The following LINGO2 variants were observed in gnomAD, a reference collection of about 807,000 sequenced individuals.
The protein encoded by LINGO2 is leucine rich repeat and Ig domain containing 2.
In LINGO2, 14 loss-of-function variants were observed where a neutral mutation model predicts 30.6. That is an observed-to-expected ratio of 0.46 (90% CI 0.30 to 0.72). The LOEUF is 0.72. Ranked by LOEUF, LINGO2 falls within the 30% of genes least tolerant of loss-of-function variation. The pLI is 0.07. For missense variants in LINGO2, 729 were observed against 751.7 expected, an observed-to-expected ratio of 0.97 and a Z score of 0.35; for synonymous variants, 317 against 288.5, an observed-to-expected ratio of 1.10 and a Z score of -1.00.
chr9:28,287,897 A>G (rs555646890), intron 4 of LINGO2, among the ~76,000 whole-genome samples: 24 of 152,260 alleles, frequency 1.6e-4, no homozygotes, highest in African/African-American at 5.1e-4. Context: ...TATAAAGGAA[A>G]AAGTTGCAAA....
chr9:28,491,296 G>C (rs1826386209), intron 1 of LINGO2, among the ~76,000 whole-genome samples: 1 of 152,062 alleles, frequency 6.6e-6, no homozygotes. Flanking sequence ...GCATTCTTTG[G>C]CTTGTGGCCA....
At chr9:28,374,208 ATT>A (rs56836588) in intron 2 of LINGO2, among the ~76,000 whole-genome samples, 29,403 of 117,842 alleles carry the variant, frequency 0.25, 3,189 homozygotes, top group Middle Eastern at 0.44. Flanking sequence ...ATATGTTTTT[ATT>A]TATATATATA....
At chr9:28,271,146 A>G (rs188674149) in intron 4 of LINGO2, among the ~76,000 whole-genome samples, 97 of 149,274 alleles carry the variant, frequency 6.5e-4, no homozygotes, top group African/African-American at 2.1e-3. Context: ...CTGTATTTAT[A>G]AGAAAAAAGT....
At chr9:29,096,649 A>G in the LINGO2 span, among the ~76,000 whole-genome samples, 2 of 140,300 alleles carry the variant, frequency 1.4e-5, no homozygotes, top group African/African-American at 5.3e-5. Context: ...AGATTGTAAG[A>G]CTGTTCCACA....
chr9:28,811,763 C>T, the LINGO2 span, among the ~76,000 whole-genome samples: 5 of 152,042 alleles, frequency 3.3e-5, no homozygotes, highest in African/African-American at 7.2e-5. Context: ...TCCTTCATGA[C>T]CATCTTTAAT....
At chr9:28,396,857 G>A (rs1822069807) in intron 2 of LINGO2, among the ~76,000 whole-genome samples, 1 of 152,012 alleles carries the variant, frequency 6.6e-6, no homozygotes, top group South Asian at 2.1e-4. Flanking sequence ...TTCCTAGAGA[G>A]AACCTAGTAA....
chr9:28,672,609 C>G (rs1212146768), upstream of LINGO2, among the ~76,000 whole-genome samples: 1 of 152,084 alleles, frequency 6.6e-6, no homozygotes, highest in Non-Finnish European at 1.5e-5. Context: ...TTTTAAGTTC[C>G]ATATCTTTAA....
the LINGO2 span, among the ~76,000 whole-genome samples, chr9:28,702,145 C>G: frequency 6.6e-6 from 1 of 151,850 alleles, no homozygotes; most frequent in Non-Finnish European, 1.5e-5. Flanking sequence ...GCTAGGACAT[C>G]AAGTCCCATT....
upstream of LINGO2, among the ~76,000 whole-genome samples, chr9:28,672,886 C>A (rs571224316): frequency 1.3e-5 from 2 of 152,050 alleles, no homozygotes; most frequent in Admixed American, 6.6e-5. Context: ...TGGAAGAAAA[C>A]AATTTTAACT....
chr9:28,233,487 C>T (rs768507700), intron 4 of LINGO2, among the ~76,000 whole-genome samples: 10 of 151,888 alleles, frequency 6.6e-5, no homozygotes, highest in Non-Finnish European at 1.3e-4. Flanking sequence ...TTAATTTGAA[C>T]ACATGCAAAA....
intron 3 of LINGO2, among the ~76,000 whole-genome samples, chr9:28,302,683 T>G (rs1824194428): frequency 3.3e-5 from 5 of 152,086 alleles, no homozygotes; most frequent in Admixed American, 2.6e-4. Context: ...ATATATATAT[T>G]ATAACCCCTT....
At chr9:28,978,702 C>T in the LINGO2 span, among the ~76,000 whole-genome samples, 2 of 151,976 alleles carry the variant, frequency 1.3e-5, no homozygotes, top group African/African-American at 2.4e-5. Flanking sequence ...TTCTCCAAAG[C>T]TTTTCTGCTT....
At chr9:28,508,754 A>C (rs996021537) in intron 1 of LINGO2, among the ~76,000 whole-genome samples, 6 of 136,538 alleles carry the variant, frequency 4.4e-5, no homozygotes, top group African/African-American at 1.6e-4. Flanking sequence ...TATTTAATGA[A>C]GAAAACTCTA....
the LINGO2 span, among the ~76,000 whole-genome samples, chr9:28,840,283 C>T: frequency 3.6e-3 from 544 of 151,962 alleles, 8 homozygotes; most frequent in Non-Finnish European, 4.4e-3. Context: ...CTCTGTGGAG[C>T]GTGCAGCCCC....
At chr9:28,022,455 C>T (rs952812438) in intron 4 of LINGO2, among the ~76,000 whole-genome samples, 2 of 152,018 alleles carry the variant, frequency 1.3e-5, no homozygotes, top group African/African-American at 4.8e-5. Flanking sequence ...ATTTCCTTTT[C>T]CCTGAAGGAT....
chr9:28,040,215 C>T lies in LINGO2; in HGVS notation c.-86-27810G>A, dbSNP rs191104290. Among the ~76,000 whole-genome samples, 991 of 152,268 alleles carry T rather than the reference C, an allele frequency of 6.5e-3. 3 individuals are homozygous for T. Among genetic ancestry groups the T allele is most frequent in the Non-Finnish European group, 0.012 (818 of 68,018 alleles). ...TGATTCATTAGAAGCTAGCTGCAGTCTCTTCAATTTCTCCATAGAATGCAG... is the reference window on the plus strand; with the variant it reads ...TGATTCATTAGAAGCTAGCTGCAGTTTCTTCAATTTCTCCATAGAATGCAG... On this transcript the variant is annotated intron_variant, in intron 4 of 5. Coordinates refer to ENST00000379992, the Ensembl canonical transcript of LINGO2.
At chr9:28,250,945 C>T (rs1262421401) in intron 4 of LINGO2, among the ~76,000 whole-genome samples, 1 of 151,228 alleles carries the variant, frequency 6.6e-6, no homozygotes, top group Non-Finnish European at 1.5e-5. Flanking sequence ...CACAAGACGC[C>T]CTCACCATCA....
intron 1 of LINGO2, among the ~76,000 whole-genome samples, chr9:28,618,192 A>G (rs1463172500): frequency 1.3e-5 from 2 of 151,926 alleles, no homozygotes; most frequent in Non-Finnish European, 2.9e-5. Flanking sequence ...CTAAAACAGA[A>G]CTCTTGCTCC....
At chr9:28,352,036 C>A (rs937307808) in intron 3 of LINGO2, among the ~76,000 whole-genome samples, 20 of 150,696 alleles carry the variant, frequency 1.3e-4, no homozygotes, top group African/African-American at 4.9e-4. Context: ...AAACCCACAG[C>A]CAATATCATA....
Sources: gnomAD v4.1 joint callset for allele counts (sites outside exome capture counted in the v4.1 genomes callset) on GRCh38, gnomAD v4.1.1 for gene constraint, MANE v1.5 for transcripts, NCBI Gene and HGNC (gene_info 2026-07-23, HGNC 2026-07-21) for gene names.